The following ADRA1A variants were observed in gnomAD, a reference collection of about 807,000 sequenced individuals.
ADRA1A encodes alpha-1A adrenergic receptor.
ADRA1A carries 31 observed loss-of-function variants against 29.6 expected under a neutral mutation model. The ratio of observed to expected loss-of-function variants is 1.05; its 90% CI spans 0.79 to 1.41. The LOEUF is 1.41. Ranked by LOEUF, ADRA1A falls within the 40% of genes most tolerant of loss-of-function variation. The pLI is 0.00. For synonymous variants in ADRA1A, 311 were observed against 254.3 expected (o/e 1.22, Z -2.12); for missense variants, 619 against 601.1 (o/e 1.03, Z -0.31).
chr8:26,839,318 C>T (rs912339266), intron 2 of ADRA1A, among the ~76,000 whole-genome samples: 2 of 152,098 alleles, frequency 1.3e-5, no homozygotes, highest in African/African-American at 4.8e-5. Context: ...GCCACAACGC[C>T]CAGCTCATTT....
intron 2 of ADRA1A, among the ~76,000 whole-genome samples, chr8:26,800,830 A>C (rs116362337): frequency 0.017 from 2,626 of 152,230 alleles, 67 homozygotes; most frequent in African/African-American, 0.057. Context: ...ACCCCAAAAC[A>C]AAATTACAGG....
At chr8:26,783,683 A>G (rs1807159861) in intron 2 of ADRA1A, among the ~76,000 whole-genome samples, 3 of 152,260 alleles carry the variant, frequency 2.0e-5, no homozygotes, top group African/African-American at 7.2e-5. Context: ...TACTGGGTAT[A>G]TATCCAAAGG....
At position 26,831,961 on chromosome 8, in the gene ADRA1A, G is replaced by A. The variant is rs575203604; in HGVS notation, c.883+32126C>T. Among the ~76,000 whole-genome samples, 83 of 152,318 alleles carry A rather than the reference G, an allele frequency of 5.4e-4. No individual in the cohort carries two copies. The highest frequency in any genetic ancestry group is 1.8e-3 in the African/African-American group (76 of 41,580). ...CGTGTGGTTTGTAGGCTGGAGTGGG[G>A]ACAGAGGCCTGCTGGTCTCACCCCA... On this transcript the variant is annotated intron_variant, in intron 2 of 2. Coordinates refer to ENST00000380573, the MANE Select transcript of ADRA1A (RefSeq NM_000680.4). The surrounding 1 kb of genome is among the most constrained non-coding windows in gnomAD (Gnocchi z 5.2).
intron 2 of ADRA1A, among the ~76,000 whole-genome samples, chr8:26,803,872 C>A (rs868659418): frequency 6.0e-5 from 9 of 151,064 alleles, no homozygotes; most frequent in Non-Finnish European, 1.5e-5. Flanking sequence ...GAGATACTAC[C>A]ACATACCTAC....
At chr8:26,808,467 T>C (rs1013107698) in intron 2 of ADRA1A, among the ~76,000 whole-genome samples, 3 of 152,256 alleles carry the variant, frequency 2.0e-5, no homozygotes, top group Non-Finnish European at 4.4e-5. Context: ...ACCTGATTGT[T>C]GATGCCTTTT....
At chr8:26,819,970 A>G (rs1397198771) in intron 2 of ADRA1A, among the ~76,000 whole-genome samples, 2 of 152,204 alleles carry the variant, frequency 1.3e-5, no homozygotes, top group Non-Finnish European at 2.9e-5. Flanking sequence ...TACACCAGAC[A>G]AAATGGACTT....
At chr8:26,801,179 T>C (rs1467150606) in intron 2 of ADRA1A, among the ~76,000 whole-genome samples, 2 of 152,088 alleles carry the variant, frequency 1.3e-5, no homozygotes, top group African/African-American at 4.8e-5. Flanking sequence ...TTAAACTGAA[T>C]TGGAAAAAGT....
At chr8:26,763,987 C>T (rs2130229854), downstream of ADRA1A, among the ~76,000 whole-genome samples, 1 of 152,236 alleles carries the variant, frequency 6.6e-6, no homozygotes, top group Middle Eastern at 3.4e-3. The surrounding 1 kb of genome is among the most constrained non-coding windows in gnomAD (Gnocchi z 4.5). Flanking sequence ...AACATCCTCC[C>T]CCTCCCCCAT....
intron 2 of ADRA1A, among the ~76,000 whole-genome samples, chr8:26,774,854 C>T (rs1307692079): frequency 2.0e-5 from 3 of 152,296 alleles, no homozygotes; most frequent in East Asian, 1.9e-4. Flanking sequence ...AAACCTTCCC[C>T]GTCTGGTTCT....
At position 26,790,046 on chromosome 8, in the gene ADRA1A, G is replaced by T. The variant is rs1279851454; in HGVS notation, c.884-19380C>A. ...CAGCCATTGTAAAGAACATTATGGT[G>T]GTTCCTCAAAAAACCAAATACAAGT... On this transcript the variant is annotated intron_variant, in intron 2 of 2. Transcript: ENST00000380573. Among the ~76,000 whole-genome samples, 4 of 152,056 alleles carry T rather than the reference G, an allele frequency of 2.6e-5. No individual in the cohort carries two copies. The East Asian group carries it at 7.7e-4, about 29-fold the overall frequency.
chr8:26,861,997 T>C (rs899983276), intron 2 of ADRA1A, among the ~76,000 whole-genome samples: 1 of 152,130 alleles, frequency 6.6e-6, no homozygotes, highest in Non-Finnish European at 1.5e-5. Context: ...AAAATATAAA[T>C]GAGACTGGCC....
At chr8:26,862,225 C>G (rs1482770799) in intron 2 of ADRA1A, among the ~76,000 whole-genome samples, 1 of 152,194 alleles carries the variant, frequency 6.6e-6, no homozygotes, top group African/African-American at 2.4e-5. Flanking sequence ...GTACTCGCTG[C>G]TCCCTCTGCC....
In ADRA1A at chr8:26,864,790, G is replaced by A; in HGVS notation, c.180C>T (p.Val60=). 6.2e-7 allele frequency: 1 copy of A among 1,614,178 alleles called. No homozygotes were observed. The highest frequency in any genetic ancestry group is 8.5e-7 in the Non-Finnish European group (1 of 1,180,036). The change falls in exon 2 of 3, where the codon GTC becomes GTT. Residue 60 remains valine (V), a synonymous_variant. Transcript: ENST00000380573. This position sits in a 1 kb window ranked among gnomAD's most constrained non-coding sequence, Gnocchi z 8.1. ...CCAGGTTGACGATGTAGTAGTGCGT[G>A]ACTGAGTGCAGGTGTCGGTGACAGG... is the stretch of plus-strand genomic sequence containing the variant. ...SVACHRHLHS[V]THYYIVNLAV...
downstream of ADRA1A, chr8:26,756,380 G>T: frequency 2.4e-6 from 3 of 1,234,164 alleles, no homozygotes; most frequent in Non-Finnish European, 3.1e-6. Context: ...AGAAACTGGG[G>T]TGCCTTATGG....
intron 2 of ADRA1A, among the ~76,000 whole-genome samples, chr8:26,749,888 AAGG>A (rs1804850729): frequency 6.6e-6 from 1 of 152,174 alleles, no homozygotes; most frequent in Non-Finnish European, 1.5e-5. Context: ...CTTCCAGAAG[AAGG>A]CCTGGTCATG....
Position 26,770,238 on chromosome 8 carries a change from G to T in ADRA1A, c.1312C>A (p.Pro438Thr). The T allele has an allele frequency of 1.2e-6, 2 of 1,612,844 alleles. No homozygotes were observed. The highest frequency in any genetic ancestry group is 1.7e-6 in the Non-Finnish European group (2 of 1,179,198). The part of the protein sequence containing the change: ...SFLQVCCCVG[P>T]STPSLDKNHQ... The stretch of plus-strand genomic sequence containing the variant: ...TTCTTGTCAAGGCTGGGGGTTGAGG[G>T]CCCTACACAGCAGCAGACCTGCAAA... Residue 438 changes from proline to threonine, a missense_variant, in exon 3 of 3, where the codon CCC (proline) becomes ACC (threonine). By Grantham distance (38) the Pro-to-Thr change is conservative (BLOSUM62 -1). Coordinates refer to ENST00000380573, the MANE Select transcript of ADRA1A (RefSeq NM_000680.4).
chr8:26,821,481 G>C lies in ADRA1A; in HGVS notation c.883+42606C>G, dbSNP rs1367279802. 6.6e-6 allele frequency among the ~76,000 whole-genome samples: 1 copy of C among 152,130 alleles called. No individual in the cohort carries two copies. Among genetic ancestry groups the C allele is most frequent in the Non-Finnish European group, 1.5e-5 (1 of 68,024 alleles). ...ACTCACTTTTCACCACGGAGATGGTGTTAAGCCATTCATGAGGAAGCCAAC... is the reference window on the plus strand; with the variant it reads ...ACTCACTTTTCACCACGGAGATGGTCTTAAGCCATTCATGAGGAAGCCAAC... On this transcript the variant is annotated intron_variant, in intron 2 of 2. Coordinates refer to ENST00000380573, the MANE Select transcript of ADRA1A (RefSeq NM_000680.4). This position sits in a 1 kb window ranked among gnomAD's most constrained non-coding sequence, Gnocchi z 5.6.
At position 26,768,981 on chromosome 8, in the gene ADRA1A, A is replaced by G. The variant is rs943013430; in HGVS notation, c.*1168T>C. The G allele has an allele frequency of 3.0e-6, 3 of 985,312 alleles. No individual in the cohort carries two copies. In the African/African-American group the frequency reaches 5.2e-5, roughly 17 times the overall value. The allele number at this position is 985,312 out of a possible 1,614,324, so 61.0% of individuals were successfully genotyped here. ...ATGTTTGCAAACTCCTGCGTTAGACAGTTCTTTGGTGATCCATCAGTATTG... is the reference window on the plus strand; with the variant it reads ...ATGTTTGCAAACTCCTGCGTTAGACGGTTCTTTGGTGATCCATCAGTATTG... On this transcript the variant is annotated 3_prime_UTR_variant, in exon 3 of 3. Transcript: ENST00000380573.
chr8:26,758,317 G>A (rs1405410716), intron 2 of ADRA1A, among the ~76,000 whole-genome samples: 1 of 152,136 alleles, frequency 6.6e-6, no homozygotes, highest in Non-Finnish European at 1.5e-5. Flanking sequence ...GAGATAAAGA[G>A]CAAAGGAAAG....
Sources: gnomAD v4.1 joint callset for allele counts (sites outside exome capture counted in the v4.1 genomes callset) on GRCh38, gnomAD v4.1.1 for gene constraint, Gnocchi (gnomAD v3.1) non-coding constraint, MANE v1.5 for transcripts, NCBI Gene and HGNC (gene_info 2026-07-23, HGNC 2026-07-21) for gene names.